The following MECOM variants were observed in gnomAD, a reference collection of about 807,000 sequenced individuals.
MECOM encodes the protein MDS1 and EVI1 complex locus, also known as histone-lysine N-methyltransferase MECOM.
Under a neutral mutation model 116.3 loss-of-function variants are expected in MECOM, and 13 were observed. The ratio of observed to expected loss-of-function variants is 0.11; its 90% CI spans 0.07 to 0.18. MECOM has a LOEUF of 0.18. MECOM is among the 10% of genes least tolerant of loss of function. MECOM has a pLI of 1.00. For synonymous variants in MECOM, 528 were observed against 535.2 expected (o/e 0.99, Z 0.19); for missense variants, 1,299 against 1,509.0 (o/e 0.86, Z 2.31).
intron 9 of MECOM, among the ~76,000 whole-genome samples, chr3:169,111,112 C>G (rs1727241908): frequency 6.6e-6 from 1 of 152,144 alleles, no homozygotes. Context: ...AGCAAAACAT[C>G]TTTGAATTTC....
intron 2 of MECOM, among the ~76,000 whole-genome samples, chr3:169,319,939 G>T (rs1577701271): frequency 6.6e-6 from 1 of 152,222 alleles, no homozygotes; most frequent in Non-Finnish European, 1.5e-5. Flanking sequence ...GAAGGAGCTT[G>T]TAAATCACCT....
chr3:169,657,230 C>T (rs9831633), intron 1 of MECOM, among the ~76,000 whole-genome samples: 5,200 of 152,246 alleles, frequency 0.034, 321 homozygotes, highest in African/African-American at 0.12. Flanking sequence ...CCTTTAGACG[C>T]AGTTAATATT....
chr3:169,374,857 A>T (rs1730744977), intron 2 of MECOM, among the ~76,000 whole-genome samples: 2 of 151,530 alleles, frequency 1.3e-5, no homozygotes. Context: ...ACATAATGAG[A>T]CCCCATCTCT....
intron 1 of MECOM, among the ~76,000 whole-genome samples, chr3:169,433,690 A>AAAGG (rs35878346): frequency 2.2e-5 from 2 of 90,468 alleles, no homozygotes; most frequent in Non-Finnish European, 4.8e-5. Context: ...AGAAAGAAAG[A>AAAGG]GAAAGAAAGA....
At chr3:169,135,356 T>C (rs1274218274) in intron 3 of MECOM, among the ~76,000 whole-genome samples, 1 of 151,996 alleles carries the variant, frequency 6.6e-6, no homozygotes, top group Non-Finnish European at 1.5e-5. Context: ...GGTTCAAAAA[T>C]ATTCAACACT....
At chr3:169,367,704 T>G (rs1243711695) in intron 2 of MECOM, among the ~76,000 whole-genome samples, 2 of 151,996 alleles carry the variant, frequency 1.3e-5, no homozygotes, top group Non-Finnish European at 2.9e-5. Flanking sequence ...GGAATAAAAG[T>G]CGGGTCTGAA....
intron 2 of MECOM, among the ~76,000 whole-genome samples, chr3:169,171,560 C>G (rs1299012480): frequency 6.6e-6 from 1 of 151,474 alleles, no homozygotes. Flanking sequence ...TAAAAAATGA[C>G]CTTAAAATGG....
intron 1 of MECOM, among the ~76,000 whole-genome samples, chr3:169,610,043 T>C (rs1769059738): frequency 6.6e-6 from 1 of 152,216 alleles, no homozygotes; most frequent in African/African-American, 2.4e-5. Context: ...CATTTTCTAT[T>C]CTGAACCCTT....
chr3:169,473,356 A>G lies in MECOM; in HGVS notation c.38-91832T>C, dbSNP rs536707876. On this transcript the variant is annotated intron_variant, in intron 1 of 16. Coordinates refer to ENST00000651503, the MANE Select transcript of MECOM (RefSeq NM_004991.4). The stretch of plus-strand genomic sequence containing the variant: ...TTCCCAGCCACTGAAAAAAGAGAAA[A>G]GAGAGACCACTATCCCTAAATATTG... Among the ~76,000 whole-genome samples, 33 of 152,348 alleles carry G rather than the reference A, an allele frequency of 2.2e-4. 1 individual carries two copies. The East Asian group carries it at 6.0e-3, about 28-fold the overall frequency.
chr3:169,573,006 C>T (rs1214110593), intron 1 of MECOM, among the ~76,000 whole-genome samples: 1 of 152,120 alleles, frequency 6.6e-6, no homozygotes, highest in Non-Finnish European at 1.5e-5. Context: ...CATACACAGC[C>T]ATTTTCAGCT....
chr3:169,161,391 G>A (rs1420866780), intron 2 of MECOM, among the ~76,000 whole-genome samples: 2 of 152,126 alleles, frequency 1.3e-5, no homozygotes, highest in Non-Finnish European at 2.9e-5. Context: ...GCCATCAAAA[G>A]GGGTCTGACC....
At chr3:169,386,322 T>TA (rs1344247001) in intron 1 of MECOM, among the ~76,000 whole-genome samples, 2 of 152,184 alleles carry the variant, frequency 1.3e-5, no homozygotes, top group African/African-American at 4.8e-5. Context: ...ATGATAAGAA[T>TA]AATCTTCCAT....
chr3:169,494,248 A>G (rs1344585665), intron 1 of MECOM, among the ~76,000 whole-genome samples: 4 of 151,998 alleles, frequency 2.6e-5, no homozygotes, highest in African/African-American at 9.7e-5. Context: ...TGTGATTTTT[A>G]CTGATAAATT....
chr3:169,540,496 ATGTCATGGCC>A (rs1759935595), intron 1 of MECOM, among the ~76,000 whole-genome samples: 1 of 152,352 alleles, frequency 6.6e-6, no homozygotes, highest in South Asian at 2.1e-4. Flanking sequence ...CAATGTGGCC[ATGTCATGGCC>A]CTGCTTAAAA....
chr3:169,559,330 A>G (rs527390842), intron 1 of MECOM, among the ~76,000 whole-genome samples: 3 of 152,226 alleles, frequency 2.0e-5, no homozygotes, highest in Non-Finnish European at 2.9e-5. Context: ...TGGTCAAACA[A>G]TACATTAAAA....
intron 2 of MECOM, among the ~76,000 whole-genome samples, chr3:169,316,914 T>C (rs1400707364): frequency 1.3e-5 from 2 of 152,244 alleles, no homozygotes; most frequent in African/African-American, 4.8e-5. Context: ...AGAAAAATCC[T>C]GCCCATTATT....
At position 169,494,411 on chromosome 3, in the gene MECOM, A is replaced by C. The variant is rs114267769; in HGVS notation, c.38-112887T>G. Among the ~76,000 whole-genome samples, 1,133 of 152,254 alleles carry C rather than the reference A, an allele frequency of 7.4e-3. 19 individuals are homozygous for C. The highest frequency in any genetic ancestry group is 0.026 in the African/African-American group (1,090 of 41,540). On this transcript the variant is annotated intron_variant, in intron 1 of 16. Transcript: ENST00000651503. ...TGCCTTACTCTTGATTCATGTTGCT[A>C]TGCTTTGCAAAACTGCTACCCAAGA...
In MECOM at chr3:169,131,480, A is replaced by G. The variant is rs1577085128; in HGVS notation, c.562T>C (p.Phe188Leu). Residue 188 changes from phenylalanine (F) to leucine (L), a missense_variant, in exon 4 of 17, where the codon TTC becomes CTC. Coordinates refer to ENST00000651503, the MANE Select transcript of MECOM (RefSeq NM_004991.4). ...DIAPGEELLL[F>L]MKSEDYPHET... ...TGGGGATAGTCTTCGCTCTTCATGAACAGCAGAAGCTCCTCTCCCGGCGCA... is the reference window on the plus strand; with the variant it reads ...TGGGGATAGTCTTCGCTCTTCATGAGCAGCAGAAGCTCCTCTCCCGGCGCA... 7 of 1,613,878 alleles carry G rather than the reference A, an allele frequency of 4.3e-6. No homozygotes were observed. Among genetic ancestry groups the G allele is most frequent in the Non-Finnish European group, 5.9e-6 (7 of 1,180,010 alleles).
chr3:169,296,738 G>A (rs988814926), intron 2 of MECOM, among the ~76,000 whole-genome samples: 11 of 152,146 alleles, frequency 7.2e-5, no homozygotes, highest in Admixed American at 2.0e-4. Context: ...GAAACTTAAA[G>A]GTGTTTTGCC....
Sources: allele counts gnomAD v4.1 joint callset (sites outside exome capture counted in the v4.1 genomes callset), GRCh38; gene constraint gnomAD v4.1.1; transcripts MANE v1.5; gene names NCBI Gene and HGNC (gene_info 2026-07-23, HGNC 2026-07-21).